The following GRIK2 variants were observed in gnomAD, a reference collection of about 807,000 sequenced individuals.
GRIK2 encodes glutamate receptor ionotropic, kainate 2.
GRIK2 carries 32 observed loss-of-function variants against 100.3 expected under a neutral mutation model. The ratio of observed to expected loss-of-function variants is 0.32; its 90% CI spans 0.24 to 0.43. GRIK2 has a LOEUF of 0.43. GRIK2 is among the 20% of genes least tolerant of loss of function. The pLI, the probability that GRIK2 is intolerant of heterozygous loss-of-function variation, is 1.00. For synonymous variants in GRIK2, 417 were observed against 389.4 expected (o/e 1.07, Z -0.83); for missense variants, 843 against 1,114.9 (o/e 0.76, Z 3.47).
intron 11 of GRIK2, among the ~76,000 whole-genome samples, chr6:101,877,340 C>G (rs1053230661): frequency 3.3e-5 from 5 of 151,870 alleles, no homozygotes; most frequent in Admixed American, 6.6e-5. Context: ...AACATGCAGA[C>G]TATTTTTTGC....
Position 101,682,434 on chromosome 6 carries a change from A to G in GRIK2, c.724-119A>G. ...GATTTAGTTTAACCTAATTGTATGT[A>G]ACATGAATATTGTAGGTTGATTCTT... On this transcript the variant is annotated intron_variant, in intron 5 of 16. Coordinates refer to ENST00000369134, the MANE Select transcript of GRIK2 (RefSeq NM_021956.5). 3 of 662,402 alleles carry G rather than the reference A, an allele frequency of 4.5e-6. No homozygotes were observed. In the South Asian group the frequency reaches 5.2e-5, roughly 11 times the overall value. 41.0% of individuals were successfully genotyped at this position (662,402 alleles called of 1,614,324 possible).
At chr6:102,065,888 C>T (rs1771993314) in intron 16 of GRIK2, 2 of 1,446,594 alleles carry the variant, frequency 1.4e-6, no homozygotes, top group South Asian at 1.4e-5. Flanking sequence ...TCACCATCTT[C>T]ATCATCATTA....
chr6:101,832,340 A>C (rs1246559538), intron 10 of GRIK2, among the ~76,000 whole-genome samples: 2 of 152,190 alleles, frequency 1.3e-5, no homozygotes, highest in African/African-American at 2.4e-5. Context: ...AAAAAACCCC[A>C]AAACTCTTTT....
At chr6:101,707,898 T>G (rs1773451532) in intron 7 of GRIK2, among the ~76,000 whole-genome samples, 1 of 151,668 alleles carries the variant, frequency 6.6e-6, no homozygotes, top group African/African-American at 2.4e-5. Flanking sequence ...CGGGTTACAG[T>G]GAATGTTCAT....
intron 11 of GRIK2, among the ~76,000 whole-genome samples, chr6:101,865,116 G>T (rs888127103): frequency 6.6e-6 from 1 of 152,128 alleles, no homozygotes; most frequent in African/African-American, 2.4e-5. Flanking sequence ...TTGATCATTT[G>T]ACAGGTTTTC....
chr6:101,461,667 A>G (rs1344992810), intron 2 of GRIK2, among the ~76,000 whole-genome samples: 1 of 152,184 alleles, frequency 6.6e-6, no homozygotes, highest in African/African-American at 2.4e-5. Flanking sequence ...GTAAGGTAAC[A>G]TATTCACAGG....
chr6:101,484,757 TAGAA>T (rs1458606435), intron 2 of GRIK2, among the ~76,000 whole-genome samples: 1 of 152,156 alleles, frequency 6.6e-6, no homozygotes, highest in Admixed American at 6.6e-5. Context: ...TTTTTTAACA[TAGAA>T]AGCCTACTAG....
In GRIK2 at chr6:101,635,220, T is replaced by A. The variant is rs189806296; in HGVS notation, c.541+8583T>A. ...TGCAAATACAATTAGCAATTATGAGTTAAACTTAATTATTTGGATATACTT... is the reference window on the plus strand; with the variant it reads ...TGCAAATACAATTAGCAATTATGAGATAAACTTAATTATTTGGATATACTT... On this transcript the variant is annotated intron_variant, in intron 4 of 16. Coordinates refer to ENST00000369134, the MANE Select transcript of GRIK2 (RefSeq NM_021956.5). Among the ~76,000 whole-genome samples the A allele has an allele frequency of 3.7e-3, 562 of 152,232 alleles. 3 individuals are homozygous for A. The highest frequency in any genetic ancestry group is 0.013 in the African/African-American group (536 of 41,568).
chr6:101,913,315 A>C (rs779394671), intron 12 of GRIK2, among the ~76,000 whole-genome samples: 14 of 151,752 alleles, frequency 9.2e-5, no homozygotes, highest in Middle Eastern at 3.4e-3. Flanking sequence ...TTAGTATGAT[A>C]ATTATTCATG....
chr6:102,027,643 A>C (rs1769772504), intron 14 of GRIK2, among the ~76,000 whole-genome samples: 1 of 151,230 alleles, frequency 6.6e-6, no homozygotes, highest in Non-Finnish European at 1.5e-5. Context: ...CCTGTAGAAC[A>C]TACTTAAAAA....
chr6:101,950,675 G>A (rs1791554918), intron 14 of GRIK2, among the ~76,000 whole-genome samples: 1 of 152,002 alleles, frequency 6.6e-6, no homozygotes. Flanking sequence ...ATCAGTTGTA[G>A]CCTCTATTTT....
intron 10 of GRIK2, among the ~76,000 whole-genome samples, chr6:101,847,482 G>A (rs1045134971): frequency 1.2e-4 from 18 of 152,140 alleles, no homozygotes; most frequent in Admixed American, 1.0e-3. Flanking sequence ...TGTAAAGTCT[G>A]TATTTTTTGT....
At chr6:101,423,567 C>A (rs2128240875) in intron 2 of GRIK2, among the ~76,000 whole-genome samples, 1 of 152,258 alleles carries the variant, frequency 6.6e-6, no homozygotes, top group South Asian at 2.1e-4. Flanking sequence ...AGCATCTTTT[C>A]ATTTACCAGT....
chr6:101,873,558 A>G (rs1292535550), intron 11 of GRIK2, among the ~76,000 whole-genome samples: 6 of 152,070 alleles, frequency 3.9e-5, no homozygotes, highest in South Asian at 2.1e-4. Flanking sequence ...ATAAACATAC[A>G]TGTGCATGTT....
At chr6:101,690,450 A>G (rs1772011748) in intron 7 of GRIK2, among the ~76,000 whole-genome samples, 1 of 152,052 alleles carries the variant, frequency 6.6e-6, no homozygotes. Context: ...TTTCTTAACT[A>G]CATTCATCTT....
At chr6:101,745,213 G>A (rs1485063438) in intron 7 of GRIK2, 1 of 152,070 alleles carries the variant, frequency 6.6e-6, no homozygotes, top group Non-Finnish European at 1.5e-5. Context: ...GTTATTCAGT[G>A]AAAGGATAAC....
chr6:102,068,612 G>A lies in GRIK2; in HGVS notation c.*101G>A. On this transcript the variant is annotated 3_prime_UTR_variant, in exon 17 of 17. Transcript: ENST00000369134. ...ATATGCAACCTGTGCAAAATAAAAT[G>A]AGTTACCTCATGCCGCTGTGTCTAT... 3.2e-6 allele frequency: 3 copies of A among 943,430 alleles called. No individual in the cohort carries two copies. Among genetic ancestry groups the A allele is most frequent in the Non-Finnish European group, 4.8e-6 (3 of 621,906 alleles). The allele number at this position is 943,430 out of a possible 1,614,324, so 58.4% of individuals were successfully genotyped here.
At chr6:101,738,882 A>C (rs987850430) in intron 7 of GRIK2, among the ~76,000 whole-genome samples, 2 of 152,340 alleles carry the variant, frequency 1.3e-5, no homozygotes, top group East Asian at 3.9e-4. Context: ...ACACAATATT[A>C]GTGATGATAA....
intron 2 of GRIK2, among the ~76,000 whole-genome samples, chr6:101,469,592 T>C (rs955653760): frequency 6.6e-6 from 1 of 152,216 alleles, no homozygotes; most frequent in Non-Finnish European, 1.5e-5. Flanking sequence ...ATTTAGTACA[T>C]GGTGGGATAT....
Sources: allele counts gnomAD v4.1 joint callset (sites outside exome capture counted in the v4.1 genomes callset), GRCh38; gene constraint gnomAD v4.1.1; transcripts MANE v1.5; gene names NCBI Gene and HGNC (gene_info 2026-07-23, HGNC 2026-07-21).